The following BCCIP variants were observed in gnomAD, a reference collection of about 807,000 sequenced individuals.
BCCIP encodes BRCA2 and CDKN1A interacting protein.
Under a neutral mutation model 32.8 loss-of-function variants are expected in BCCIP, and 23 were observed. The ratio of observed to expected loss-of-function variants is 0.70; its 90% CI spans 0.51 to 0.99. The LOEUF (loss-of-function observed/expected upper bound fraction) is 0.99, where lower values mean the gene tolerates loss of function less well. Among genes scored for constraint, BCCIP ranks in the 50% least tolerant of loss-of-function variants. The pLI, the probability that BCCIP is intolerant of heterozygous loss-of-function variation, is 0.00. For synonymous variants in BCCIP, 144 were observed against 137.6 expected (o/e 1.05, Z -0.33); for missense variants, 378 against 379.8 (o/e 1.00, Z 0.04).
At chr10:125,827,518 G>A (rs1854425703) in intron 2 of BCCIP, 40 bp from the exon 3 acceptor site, 2 of 1,308,480 alleles carry the variant, frequency 1.5e-6, no homozygotes. Context: ...TAGAAATCAT[G>A]CTTTGATCTT....
downstream of BCCIP, among the ~76,000 whole-genome samples, chr10:125,847,643 T>G (rs1564824760): frequency 6.6e-6 from 1 of 152,186 alleles, no homozygotes; most frequent in Non-Finnish European, 1.5e-5. Context: ...GCTCGTTACA[T>G]GTGCACTTTA....
chr10:125,853,297 G>A lies in BCCIP; in HGVS notation c.*54G>A, dbSNP rs1297984565. The A allele has an allele frequency of 2.1e-5, 22 of 1,034,224 alleles. 1 individual carries two copies. The South Asian group carries it at 2.2e-4, about 11-fold the overall frequency. 64.1% of individuals were successfully genotyped at this position (1,034,224 alleles called of 1,614,324 possible). A position where few individuals can be genotyped will look rare whatever the true frequency, so the allele number is the denominator to read the frequency against. On this transcript the variant is annotated 3_prime_UTR_variant, in exon 8 of 8. Coordinates refer to the BCCIP transcript ENST00000368759. ...GTCTCCTGGAGGGATAAAACATCTC[G>A]GCACCTAGTAATGGTAAATTAGTCA...
chr10:125,823,828 G>C, intron 1 of BCCIP, 106 bp downstream of exon 1: 1 of 1,475,038 alleles, frequency 6.8e-7, no homozygotes, highest in South Asian at 1.4e-5. Flanking sequence ...CTGAGGGTCT[G>C]TGAGGAGAAA....
intron 4 of BCCIP, among the ~76,000 whole-genome samples, 191 bp from the exon 5 acceptor site, chr10:125,831,229 G>A (rs1208205138): frequency 6.6e-6 from 1 of 152,200 alleles, no homozygotes; most frequent in African/African-American, 2.4e-5. Flanking sequence ...CTCATCATGG[G>A]ATGGTAAATA....
chr10:125,848,575 G>A (rs1944053015), intron 7 of BCCIP, among the ~76,000 whole-genome samples: 1 of 152,182 alleles, frequency 6.6e-6, no homozygotes, highest in Non-Finnish European at 1.5e-5. Context: ...AGCTGATGCT[G>A]GACTCCCAAG....
chr10:125,835,490 A>G (rs1359445326), intron 6 of BCCIP, among the ~76,000 whole-genome samples: 2 of 151,462 alleles, frequency 1.3e-5, no homozygotes. Flanking sequence ...GAGGCAGGAG[A>G]ATGGTGTGAA....
At chr10:125,826,237 TTAATAAA>T (rs1240418845) in intron 1 of BCCIP, 2 of 268,946 alleles carry the variant, frequency 7.4e-6, no homozygotes, top group Non-Finnish European at 1.4e-5. Flanking sequence ...GGATTGATAC[TTAATAAA>T]TATTTGCTAA....
chr10:125,827,774 A>G lies in BCCIP; in HGVS notation c.321+136A>G, dbSNP rs939175683. The G allele has an allele frequency of 6.8e-6, 4 of 592,020 alleles. No homozygotes were observed. In the Admixed American group the frequency reaches 1.3e-4, roughly 19 times the overall value. 36.7% of individuals were successfully genotyped at this position (592,020 alleles called of 1,614,324 possible). The stretch of plus-strand genomic sequence containing the variant: ...TGCTTGAGGCCAGGAGTTCAAGACC[A>G]TCCTGGGCAATATAGCAATACTCTG... On this transcript the variant is annotated intron_variant, in intron 3 of 6. Coordinates refer to ENST00000278100, the MANE Select transcript of BCCIP (RefSeq NM_078468.3).
chr10:125,851,875 C>T (rs1232912365), intron 7 of BCCIP, among the ~76,000 whole-genome samples: 1 of 141,452 alleles, frequency 7.1e-6, no homozygotes, highest in Non-Finnish European at 1.5e-5. Flanking sequence ...GAGCTATGAT[C>T]ACGCCACTGT....
rs145198512 is a variant in BCCIP, at chr10:125,831,083, A to G, written c.412-337A>G. On this transcript the variant is annotated intron_variant, in intron 4 of 6. Transcript: ENST00000278100. ...TAAAAAGTAAACCAGCTGCTTACCC[A>G]CCTCAGAATAAGATGCAGGCTACAC... Among the ~76,000 whole-genome samples, 344 of 152,310 alleles carry G rather than the reference A, an allele frequency of 2.3e-3. 1 individual carries two copies. The highest frequency in any genetic ancestry group is 7.7e-3 in the African/African-American group (322 of 41,578).
At position 125,823,583 on chromosome 10, in the gene BCCIP, C is replaced by A. The variant is rs142892325; in HGVS notation, c.26C>A (p.Ala9Asp). The A allele has an allele frequency of 1.2e-6, 2 of 1,613,776 alleles. No homozygotes were observed. Among genetic ancestry groups the A allele is most frequent in the African/African-American group, 2.7e-5 (2 of 74,922 alleles). The change falls in exon 1 of 7, where the codon GCC (alanine) becomes GAC (aspartate). Residue 9 changes from alanine to aspartate, a missense_variant. Transcript: ENST00000278100. The part of the protein sequence containing the change: MASRSKRR[A>D]VESGVPQPPD... ...ATGGCGTCCAGGTCTAAGCGGCGTG[C>A]CGTGGAAAGTGGGGTTCCGCAGCCG... is the stretch of plus-strand genomic sequence containing the variant.
intron 1 of BCCIP, 63 bp downstream of exon 1, chr10:125,823,785 C>T: frequency 6.3e-7 from 1 of 1,589,750 alleles, no homozygotes; most frequent in Non-Finnish European, 8.6e-7. Flanking sequence ...CAAGCCCAGG[C>T]TGTGTAAAAA....
chr10:125,837,688 A>G (rs1233112939), downstream of BCCIP, among the ~76,000 whole-genome samples: 2 of 152,164 alleles, frequency 1.3e-5, no homozygotes, highest in Non-Finnish European at 2.9e-5. Flanking sequence ...TTGGCCTCCC[A>G]AGGTGCCTGG....
chr10:125,823,792 A>G, intron 1 of BCCIP, 70 bp downstream of exon 1: 1 of 1,581,952 alleles, frequency 6.3e-7, no homozygotes, highest in Non-Finnish European at 8.6e-7. Flanking sequence ...AGGCTGTGTA[A>G]AAATAGTGTA....
At chr10:125,826,791 GGA>G in intron 2 of BCCIP, 126 bp downstream of exon 2, 1 of 1,441,860 alleles carries the variant, frequency 6.9e-7, no homozygotes, top group South Asian at 1.4e-5. Flanking sequence ...CTTGAGCCCA[GGA>G]GTTTGAGACC....
downstream of BCCIP, chr10:125,841,467 C>T: frequency 6.7e-7 from 1 of 1,482,300 alleles, no homozygotes; most frequent in Non-Finnish European, 8.9e-7. Flanking sequence ...TTCATCTGCA[C>T]TGATTATTTC....
intron 6 of BCCIP, among the ~76,000 whole-genome samples, chr10:125,835,735 GA>G (rs1165399268): frequency 5.9e-5 from 9 of 152,238 alleles, no homozygotes; most frequent in Non-Finnish European, 1.2e-4. Flanking sequence ...AAGCAGCTGA[GA>G]AAGTGAGAAA....
intron 6 of BCCIP, among the ~76,000 whole-genome samples, chr10:125,834,235 G>A (rs1257931267): frequency 1.3e-5 from 2 of 152,176 alleles, no homozygotes; most frequent in African/African-American, 4.8e-5. Context: ...TATGCTTCCT[G>A]TGAAATCTTT....
At chr10:125,836,885 A>AT (rs1412695346), downstream of BCCIP, 1 of 1,603,884 alleles carries the variant, frequency 6.2e-7, no homozygotes, top group African/African-American at 1.3e-5. Context: ...AGATGAGATT[A>AT]TGAGTGGGGA....
Sources: gnomAD v4.1 joint callset for allele counts (sites outside exome capture counted in the v4.1 genomes callset) on GRCh38, gnomAD v4.1.1 for gene constraint, MANE v1.5 for transcripts, NCBI Gene and HGNC (gene_info 2026-07-23, HGNC 2026-07-21) for gene names.